The following ARB2A variants were observed in gnomAD, a reference collection of about 807,000 sequenced individuals.
ARB2A encodes ARB2 cotranscriptional regulator A, also known as cotranscriptional regulator ARB2A.
chr5:93,650,940 T>G, the ARB2A span, among the ~76,000 whole-genome samples: 1 of 151,930 alleles, frequency 6.6e-6, no homozygotes, highest in Non-Finnish European at 1.5e-5. Flanking sequence ...TGCGGTGAGC[T>G]ATGGCTGTCC....
At chr5:93,778,031 A>T in the ARB2A span, among the ~76,000 whole-genome samples, 1 of 152,228 alleles carries the variant, frequency 6.6e-6, no homozygotes, top group South Asian at 2.1e-4. Flanking sequence ...AGGAAAAAAA[A>T]CATGAAAACA....
At chr5:93,688,677 C>T in the ARB2A span, among the ~76,000 whole-genome samples, 3 of 152,106 alleles carry the variant, frequency 2.0e-5, no homozygotes, top group African/African-American at 4.8e-5. Flanking sequence ...GTTTTGCAGG[C>T]ACCTCAAACT....
the ARB2A span, among the ~76,000 whole-genome samples, chr5:93,782,893 A>G: frequency 7.2e-5 from 11 of 152,254 alleles, no homozygotes; most frequent in Admixed American, 2.0e-4. Flanking sequence ...TCCAAGAACT[A>G]GGGCATTTAT....
At chr5:93,620,340 CAG>C in the ARB2A span, 2 of 151,950 alleles carry the variant, frequency 1.3e-5, no homozygotes, top group African/African-American at 2.4e-5. Context: ...GATTTTTATG[CAG>C]AGTTGTTTTT....
chr5:94,047,464 G>A, the ARB2A span, among the ~76,000 whole-genome samples: 19 of 143,454 alleles, frequency 1.3e-4, no homozygotes, highest in South Asian at 2.2e-4. Flanking sequence ...GGCGCCTGGC[G>A]CCTGGGTGAC....
At chr5:93,950,996 TAAATA>T in the ARB2A span, among the ~76,000 whole-genome samples, 1 of 151,348 alleles carries the variant, frequency 6.6e-6, no homozygotes, top group East Asian at 1.9e-4. Context: ...TAATAGTATA[TAAATA>T]AAATAAAAAT....
At chr5:93,698,000 A>T in the ARB2A span, among the ~76,000 whole-genome samples, 26 of 152,182 alleles carry the variant, frequency 1.7e-4, no homozygotes, top group South Asian at 8.3e-4. Context: ...TTATTTTATT[A>T]AAAAAATGCA....
the ARB2A span, among the ~76,000 whole-genome samples, chr5:93,873,006 A>G: frequency 6.6e-6 from 1 of 152,308 alleles, no homozygotes; most frequent in Non-Finnish European, 1.5e-5. Flanking sequence ...CTTCAGTATA[A>G]TATTCAAGAG....
At chr5:93,621,009 C>T in the ARB2A span, 42 of 1,610,436 alleles carry the variant, frequency 2.6e-5, no homozygotes, top group Non-Finnish European at 3.5e-5. Context: ...GTGCTTGATG[C>T]GGTGGGAGCG....
the ARB2A span, among the ~76,000 whole-genome samples, chr5:93,756,854 A>C: frequency 6.6e-6 from 1 of 152,130 alleles, no homozygotes; most frequent in Non-Finnish European, 1.5e-5. Context: ...GTTCACCAGC[A>C]ATGGATCCAA....
At chr5:93,698,982 G>A in the ARB2A span, among the ~76,000 whole-genome samples, 3 of 152,284 alleles carry the variant, frequency 2.0e-5, no homozygotes, top group African/African-American at 7.2e-5. Context: ...AGAAATTAAA[G>A]TCTTTCATTT....
the ARB2A span, among the ~76,000 whole-genome samples, chr5:93,898,893 C>G: frequency 6.6e-6 from 1 of 152,152 alleles, no homozygotes; most frequent in African/African-American, 2.4e-5. Context: ...CTCACTTAAT[C>G]ATTCCTAAAA....
chr5:93,809,621 AAAGT>A, the ARB2A span, among the ~76,000 whole-genome samples: 1 of 152,084 alleles, frequency 6.6e-6, no homozygotes, highest in Non-Finnish European at 1.5e-5. Flanking sequence ...AAAAAAAATC[AAAGT>A]AATATAATAC....
the ARB2A span, among the ~76,000 whole-genome samples, chr5:93,707,757 T>C: frequency 2.0e-5 from 3 of 152,004 alleles, no homozygotes; most frequent in Non-Finnish European, 4.4e-5. Flanking sequence ...GTATGTTTAG[T>C]AGAGAAGGGG....
At chr5:94,012,662 C>G in the ARB2A span, among the ~76,000 whole-genome samples, 1 of 150,226 alleles carries the variant, frequency 6.7e-6, no homozygotes, top group Non-Finnish European at 1.5e-5. Flanking sequence ...CCAGCCAAAG[C>G]CAGTCTAACC....
At chr5:93,877,885 A>G in the ARB2A span, among the ~76,000 whole-genome samples, 12 of 152,196 alleles carry the variant, frequency 7.9e-5, no homozygotes, top group Admixed American at 7.2e-4. Flanking sequence ...GAGTAACCCC[A>G]GCAGCCTGGC....
chr5:93,902,757 C>A, the ARB2A span, among the ~76,000 whole-genome samples: 1 of 152,054 alleles, frequency 6.6e-6, no homozygotes, highest in Non-Finnish European at 1.5e-5. Flanking sequence ...ATTAGCTACT[C>A]TTTTCTTCAT....
the ARB2A span, among the ~76,000 whole-genome samples, chr5:94,002,306 A>G: frequency 6.6e-6 from 1 of 152,028 alleles, no homozygotes; most frequent in Non-Finnish European, 1.5e-5. Context: ...TTTTTCTGAT[A>G]TTTACTATGA....
At chr5:93,819,669 G>A in the ARB2A span, among the ~76,000 whole-genome samples, 1 of 152,114 alleles carries the variant, frequency 6.6e-6, no homozygotes, top group Non-Finnish European at 1.5e-5. Flanking sequence ...CTTCTTTAAG[G>A]TCACAGTTAG....
Sources: gnomAD v4.1 joint callset for allele counts (sites outside exome capture counted in the v4.1 genomes callset) on GRCh38, gnomAD v4.1.1 for gene constraint, MANE v1.5 for transcripts, NCBI Gene and HGNC (gene_info 2026-07-23, HGNC 2026-07-21) for gene names.